PHLPP1: variants seen among roughly 807,000 people sequenced by gnomAD.
The protein encoded by PHLPP1 is PH domain leucine-rich repeat-containing protein phosphatase 1.
PHLPP1 carries 42 observed loss-of-function variants against 117.2 expected under a neutral mutation model. The observed-to-expected ratio is 0.36, with a 90% CI of 0.28 to 0.46. PHLPP1 has a LOEUF of 0.46. Ranked by LOEUF, PHLPP1 falls within the 20% of genes least tolerant of loss-of-function variation. The pLI, the probability that PHLPP1 is intolerant of heterozygous loss-of-function variation, is 1.00. For synonymous variants in PHLPP1, 1,042 were observed against 970.7 expected, an observed-to-expected ratio of 1.07 and a Z score of -1.37; for missense variants, 2,084 against 2,241.9, an observed-to-expected ratio of 0.93 and a Z score of 1.42.
chr18:62,895,561 G>A (rs541153594), intron 5 of PHLPP1, among the ~76,000 whole-genome samples: 2 of 152,184 alleles, frequency 1.3e-5, no homozygotes, highest in African/African-American at 4.8e-5. Context: ...ATTCAAATTG[G>A]GAAAACTAGT....
intron 9 of PHLPP1, among the ~76,000 whole-genome samples, chr18:62,918,169 G>T (rs1251945208): frequency 7.3e-6 from 1 of 137,112 alleles, no homozygotes; most frequent in Non-Finnish European, 1.5e-5. Flanking sequence ...TTGCGCCATT[G>T]CACTCCAGCC....
At chr18:62,893,465 A>T (rs554123754) in intron 4 of PHLPP1, among the ~76,000 whole-genome samples, 1 of 152,358 alleles carries the variant, frequency 6.6e-6, no homozygotes, top group South Asian at 2.1e-4. Flanking sequence ...AATACAATTA[A>T]GTCTATTATA....
intron 14 of PHLPP1, among the ~76,000 whole-genome samples, chr18:62,969,682 T>C (rs1370041926): frequency 6.6e-6 from 1 of 152,236 alleles, no homozygotes; most frequent in African/African-American, 2.4e-5. Context: ...TTTAGAATGA[T>C]GTAGCCTCTT....
Position 62,914,958 on chromosome 18 carries a change from G to A in PHLPP1, c.2754G>A (p.Lys918=), listed in dbSNP as rs895066339. The A allele has an allele frequency of 6.2e-7, 1 of 1,613,712 alleles. No homozygotes were observed. The highest frequency in any genetic ancestry group is 1.3e-5 in the African/African-American group (1 of 74,910). The part of the protein sequence containing the change: ...NVPEWVCESR[K]LEVLDIGHNQ... ...CTGAGTGGGTATGTGAAAGCCGAAAGCTAGAAGTTTTGGATATTGGCCATA... is the reference window on the plus strand; with the variant it reads ...CTGAGTGGGTATGTGAAAGCCGAAAACTAGAAGTTTTGGATATTGGCCATA... The change falls in exon 9 of 17, where the codon AAG becomes AAA. Residue 918 remains lysine, a synonymous_variant. Transcript: ENST00000262719.
At chr18:62,854,781 C>T (rs1045068542) in intron 3 of PHLPP1, among the ~76,000 whole-genome samples, 43 of 151,270 alleles carry the variant, frequency 2.8e-4, no homozygotes, top group African/African-American at 1.0e-3. Context: ...ACTGCAATCT[C>T]CGCCTCCCAG....
At chr18:62,841,811 C>G (rs1004135350) in intron 3 of PHLPP1, among the ~76,000 whole-genome samples, 3 of 152,080 alleles carry the variant, frequency 2.0e-5, no homozygotes, top group Non-Finnish European at 4.4e-5. Context: ...GGCAGAGGGA[C>G]TTTGATTTGA....
At chr18:62,898,848 G>C (rs1312450762) in intron 6 of PHLPP1, among the ~76,000 whole-genome samples, 3 of 151,842 alleles carry the variant, frequency 2.0e-5, no homozygotes, top group Non-Finnish European at 4.4e-5. Flanking sequence ...GCCCAGACTG[G>C]AGTGCAGTGG....
chr18:62,822,187 GA>G (rs1234662175), intron 1 of PHLPP1, among the ~76,000 whole-genome samples: 2 of 144,190 alleles, frequency 1.4e-5, no homozygotes, highest in Non-Finnish European at 3.0e-5. Flanking sequence ...TTCTGATTTA[GA>G]AAAAAAAGAT....
chr18:62,756,657 T>G (rs1276635432), intron 1 of PHLPP1, among the ~76,000 whole-genome samples: 1 of 152,168 alleles, frequency 6.6e-6, no homozygotes, highest in Non-Finnish European at 1.5e-5. Flanking sequence ...GAAACGACAG[T>G]CTAGAGAAGA....
At position 62,716,831 on chromosome 18, in the gene PHLPP1, C is replaced by T; in HGVS notation, c.1148C>T (p.Ala383Val). ...SSSSEELEAD[A>V]ASAPTGVPGQ... is the part of the protein sequence containing the mutation. ...TCGTCGGAAGAGCTCGAGGCCGACG[C>T]AGCCTCGGCCCCGACGGGGGTCCCG... The change falls in exon 1 of 17, where the codon GCA becomes GTA. Residue 383 changes from alanine to valine, a missense_variant. By Grantham distance (64) the Ala-to-Val change is moderately conservative. Transcript: ENST00000262719. The surrounding 1 kb of genome is among the most constrained non-coding windows in gnomAD (Gnocchi z 5.7). The T allele has an allele frequency of 6.6e-7, 1 of 1,525,512 alleles. No individual in the cohort carries two copies. 94.5% of individuals were successfully genotyped at this position (1,525,512 alleles called of 1,614,324 possible).
At chr18:62,891,755 T>C (rs1483139178) in intron 4 of PHLPP1, among the ~76,000 whole-genome samples, 2 of 150,218 alleles carry the variant, frequency 1.3e-5, no homozygotes, top group East Asian at 3.9e-4. Context: ...TAGCTGGGTT[T>C]GGTGGTGCGT....
At chr18:62,802,040 C>T (rs1384614839) in intron 1 of PHLPP1, among the ~76,000 whole-genome samples, 1 of 151,882 alleles carries the variant, frequency 6.6e-6, no homozygotes, top group Non-Finnish European at 1.5e-5. Context: ...TCTCTCACTC[C>T]CCTGACTACT....
Position 62,978,627 on chromosome 18 carries a change from C to T in PHLPP1, c.4350C>T (p.Pro1450=). The change falls in exon 17 of 17, where the codon CCC becomes CCT. Residue 1450 remains proline, a synonymous_variant. Transcript: ENST00000262719. This position sits in a 1 kb window ranked among gnomAD's most constrained non-coding sequence, Gnocchi z 7.0. The part of the protein sequence containing the change: ...VPPPSPGIFP[P]SVNMVIKDRP... ...CACCCAGTCCTGGCATCTTTCCTCC[C>T]TCAGTGAACATGGTGATCAAGGATC... 4 of 1,613,824 alleles carry T rather than the reference C, an allele frequency of 2.5e-6. No individual in the cohort carries two copies. The highest frequency in any genetic ancestry group is 2.2e-5 in the East Asian group (1 of 44,870).
chr18:62,962,284 T>TTTATGTTATGTTATGTTATGTTATG (rs568386796), intron 13 of PHLPP1, among the ~76,000 whole-genome samples: 21 of 152,154 alleles, frequency 1.4e-4, no homozygotes, highest in African/African-American at 4.8e-4. Flanking sequence ...TTTATGTTCT[T>TTTATGTTATGTTATGTTATGTTATG]TTATGTTATG....
intron 1 of PHLPP1, chr18:62,779,538 T>C (rs1913061786): frequency 6.6e-6 from 1 of 152,200 alleles, no homozygotes; most frequent in Non-Finnish European, 1.5e-5. Context: ...CTGAAGTAAC[T>C]GACAGTCAGA....
At chr18:62,768,324 A>G (rs1245691664) in intron 1 of PHLPP1, among the ~76,000 whole-genome samples, 1 of 152,208 alleles carries the variant, frequency 6.6e-6, no homozygotes, top group Non-Finnish European at 1.5e-5. Context: ...AAGGGATTGA[A>G]TACAGTGGAG....
chr18:62,979,557 T>G lies in PHLPP1; in HGVS notation c.*126T>G, dbSNP rs1410747725. The G allele has an allele frequency of 9.9e-6, 10 of 1,014,748 alleles. No homozygotes were observed. The highest frequency in any genetic ancestry group is 1.4e-5 in the Non-Finnish European group (10 of 704,234). 62.9% of individuals were successfully genotyped at this position (1,014,748 alleles called of 1,614,324 possible). On this transcript the variant is annotated 3_prime_UTR_variant, in exon 17 of 17. Transcript: ENST00000262719. ...CCCAGACACTGTTCCCAACCTGTCA[T>G]CGCAGCTAATCTGTAGGTTCTCTTT...
intron 1 of PHLPP1, among the ~76,000 whole-genome samples, chr18:62,755,415 G>T (rs1437437886): frequency 6.6e-6 from 1 of 152,206 alleles, no homozygotes; most frequent in Non-Finnish European, 1.5e-5. Context: ...GTGAGTGTAT[G>T]TGTGTCCCTG....
Position 62,941,771 on chromosome 18 carries a change from C to T in PHLPP1, c.3014C>T (p.Thr1005Met), listed in dbSNP as rs768420407. Residue 1005 changes from threonine to methionine, a missense_variant, in exon 11 of 17, where the codon ACG becomes ATG. By Grantham distance (81) the Thr-to-Met change is moderately conservative. This residue lies in a region of PHLPP1 where 1,365 missense variants were observed against 1,605.9 expected (regional missense o/e 0.85). Coordinates refer to ENST00000262719, the MANE Select transcript of PHLPP1 (RefSeq NM_194449.4). Reference sequence around the variant, plus strand: ...AAACTGGAAAGCCTTCCTCCAGCCACGCTTTCCGAAGAGACAAACAGTATC... The same window carrying T: ...AAACTGGAAAGCCTTCCTCCAGCCATGCTTTCCGAAGAGACAAACAGTATC... ...ANKLESLPPA[T>M]LSEETNSILQ... 9.9e-6 allele frequency: 16 copies of T among 1,613,800 alleles called. No homozygotes were observed. The highest frequency in any genetic ancestry group is 8.0e-5 in the African/African-American group (6 of 75,060).
Sources: allele counts gnomAD v4.1 joint callset (sites outside exome capture counted in the v4.1 genomes callset), GRCh38; gene constraint gnomAD v4.1.1; regional missense constraint gnomAD v4.1.1; non-coding constraint Gnocchi (gnomAD v3.1); transcripts MANE v1.5; gene names NCBI Gene and HGNC (gene_info 2026-07-23, HGNC 2026-07-21).